Variants in SUCLG2 observed in about 807,000 individuals in gnomAD.
SUCLG2 encodes succinate--CoA ligase [GDP-forming] subunit beta, mitochondrial.
In SUCLG2, 42 loss-of-function variants were observed where a neutral mutation model predicts 47.9. The ratio of observed to expected loss-of-function variants is 0.88; its 90% CI spans 0.69 to 1.14. The LOEUF is 1.14. SUCLG2 is among the 50% of genes most tolerant of loss of function. The pLI is 0.00. For synonymous variants in SUCLG2, 195 were observed against 197.3 expected (o/e 0.99, Z 0.10); for missense variants, 571 against 525.9 (o/e 1.09, Z -0.84).
At position 67,532,259 on chromosome 3, in the gene SUCLG2, C is replaced by T. The variant is rs1467483200; in HGVS notation, c.227-3073G>A. Among the ~76,000 whole-genome samples, 4 of 152,182 alleles carry T rather than the reference C, an allele frequency of 2.6e-5. 1 individual carries two copies. The highest frequency in any genetic ancestry group is 4.1e-4 in the South Asian group (2 of 4,836). The stretch of plus-strand genomic sequence containing the variant: ...CAAGCGGTTCTCCTGCCTCAGCCTT[C>T]TGAGTAGCTGGGGTTACAGGCACAT... On this transcript the variant is annotated intron_variant, in intron 2 of 10. Coordinates refer to ENST00000307227, the MANE Select transcript of SUCLG2 (RefSeq NM_003848.4).
At chr3:67,554,094 G>A (rs1707093878) in intron 2 of SUCLG2, among the ~76,000 whole-genome samples, 1 of 152,148 alleles carries the variant, frequency 6.6e-6, no homozygotes, top group Non-Finnish European at 1.5e-5. Flanking sequence ...CGGGGTAGGT[G>A]TGATTTTTTG....
chr3:67,505,828 G>C (rs1705621070), intron 7 of SUCLG2, among the ~76,000 whole-genome samples: 1 of 152,092 alleles, frequency 6.6e-6, no homozygotes, highest in Non-Finnish European at 1.5e-5. Context: ...TGGGCGCGGT[G>C]GTGGGCGCCT....
chr3:67,424,290 C>T (rs550153881), intron 9 of SUCLG2, among the ~76,000 whole-genome samples: 2 of 152,266 alleles, frequency 1.3e-5, no homozygotes, highest in South Asian at 2.1e-4. Context: ...GAATCTAAAG[C>T]CCAATTTACC....
At chr3:67,414,103 C>T (rs539924955) in intron 9 of SUCLG2, among the ~76,000 whole-genome samples, 46 of 152,246 alleles carry the variant, frequency 3.0e-4, no homozygotes, top group African/African-American at 1.0e-3. Flanking sequence ...GTTCTTACTC[C>T]GGAAACCTGG....
chr3:67,497,513 A>T (rs1293369826), intron 8 of SUCLG2, among the ~76,000 whole-genome samples: 1 of 152,188 alleles, frequency 6.6e-6, no homozygotes, highest in Non-Finnish European at 1.5e-5. Context: ...TGTTTTATTA[A>T]TAAACTAGCA....
At chr3:67,477,230 A>C (rs1159441506) in intron 9 of SUCLG2, among the ~76,000 whole-genome samples, 1 of 152,108 alleles carries the variant, frequency 6.6e-6, no homozygotes, top group Non-Finnish European at 1.5e-5. Context: ...GCTCTGGAGT[A>C]AGGTCTGGGT....
intron 2 of SUCLG2, among the ~76,000 whole-genome samples, chr3:67,541,872 CTTT>C (rs112073915): frequency 1.4e-5 from 2 of 144,164 alleles, no homozygotes; most frequent in Non-Finnish European, 1.5e-5. Flanking sequence ...CATTCTTTTT[CTTT>C]TTTTTTTTTT....
chr3:67,595,045 G>A (rs1575804030), intron 2 of SUCLG2, among the ~76,000 whole-genome samples: 1 of 152,326 alleles, frequency 6.6e-6, no homozygotes, highest in South Asian at 2.1e-4. Context: ...ATAAAAATTT[G>A]TTTGGTGTGG....
chr3:67,472,701 C>T (rs1403166425), intron 9 of SUCLG2, among the ~76,000 whole-genome samples: 1 of 151,962 alleles, frequency 6.6e-6, no homozygotes, highest in Non-Finnish European at 1.5e-5. Context: ...AAATGGTCAC[C>T]AGAGGACTAT....
At chr3:67,393,595 G>A (rs1055129389) in intron 10 of SUCLG2, among the ~76,000 whole-genome samples, 4 of 152,218 alleles carry the variant, frequency 2.6e-5, no homozygotes, top group Non-Finnish European at 5.9e-5. Flanking sequence ...TGGGGGCAGG[G>A]CACAGACAAA....
chr3:67,361,977 T>A (rs1378677848), intron 10 of SUCLG2, among the ~76,000 whole-genome samples: 1 of 152,056 alleles, frequency 6.6e-6, no homozygotes, highest in East Asian at 1.9e-4. Context: ...CCAACCTAGA[T>A]CAACCATCAG....
intron 9 of SUCLG2, among the ~76,000 whole-genome samples, chr3:67,413,662 A>G (rs1055431866): frequency 2.6e-5 from 4 of 152,238 alleles, no homozygotes; most frequent in Non-Finnish European, 5.9e-5. Context: ...AAGAAAAACC[A>G]TGCGGAAGGA....
chr3:67,559,263 C>T (rs1407994003), intron 2 of SUCLG2, among the ~76,000 whole-genome samples: 1 of 152,072 alleles, frequency 6.6e-6, no homozygotes, highest in East Asian at 1.9e-4. Flanking sequence ...AGAAAACTAC[C>T]TGTATTAGTC....
At chr3:67,572,218 T>C (rs1707632873) in intron 2 of SUCLG2, among the ~76,000 whole-genome samples, 1 of 152,210 alleles carries the variant, frequency 6.6e-6, no homozygotes. Context: ...CCTACAATCC[T>C]ACATCTAAAG....
intron 2 of SUCLG2, among the ~76,000 whole-genome samples, chr3:67,533,940 A>G (rs796358499): frequency 6.6e-6 from 1 of 152,160 alleles, no homozygotes; most frequent in African/African-American, 2.4e-5. Context: ...TTTCAAACAC[A>G]CAGCACATTA....
intron 1 of SUCLG2, among the ~76,000 whole-genome samples, chr3:67,615,388 G>A (rs1049000450): frequency 6.7e-6 from 1 of 148,890 alleles, no homozygotes; most frequent in Non-Finnish European, 1.5e-5. Context: ...AAATGTCCCT[G>A]AGCTCGACAC....
rs146453731 is a variant in SUCLG2 at position 67,477,658 on chromosome 3, G to A, written c.1062+18140C>T. Reference sequence around the variant, plus strand: ...TGCAGTGATCTGAGATCAAGCCACTGCACTCCAGCCTGGGTGACAGAGCAA... The same window carrying A: ...TGCAGTGATCTGAGATCAAGCCACTACACTCCAGCCTGGGTGACAGAGCAA... On this transcript the variant is annotated intron_variant, in intron 9 of 10. Transcript: ENST00000307227. 2.8e-3 allele frequency among the ~76,000 whole-genome samples: 430 copies of A among 152,280 alleles called. 4 individuals are homozygous for A. The highest frequency in any genetic ancestry group is 1.0e-2 in the African/African-American group (415 of 41,542).
intron 2 of SUCLG2, among the ~76,000 whole-genome samples, chr3:67,549,325 AC>A (rs1706949655): frequency 6.6e-6 from 1 of 152,204 alleles, no homozygotes; most frequent in Non-Finnish European, 1.5e-5. Context: ...TGTCACTGTC[AC>A]CTGCCTGAAG....
chr3:67,422,855 C>T (rs917792699), intron 9 of SUCLG2, among the ~76,000 whole-genome samples: 1 of 152,148 alleles, frequency 6.6e-6, no homozygotes, highest in Non-Finnish European at 1.5e-5. Context: ...TCTTCAGCTA[C>T]ACCAAGAGAG....
Sources: gnomAD v4.1 joint callset for allele counts (sites outside exome capture counted in the v4.1 genomes callset) on GRCh38, gnomAD v4.1.1 for gene constraint, MANE v1.5 for transcripts, NCBI Gene and HGNC (gene_info 2026-07-23, HGNC 2026-07-21) for gene names.